Variants in MANBA observed in about 807,000 individuals in gnomAD.
The protein encoded by MANBA is beta-mannosidase.
MANBA carries 83 observed loss-of-function variants against 111.1 expected under a neutral mutation model. The ratio of observed to expected loss-of-function variants is 0.75; its 90% confidence interval spans 0.63 to 0.90. The LOEUF (loss-of-function observed/expected upper bound fraction) is 0.90. MANBA is among the 40% of genes least tolerant of loss of function. MANBA has a pLI of 0.00. For missense variants in MANBA, 1,036 were observed against 1,069.0 expected, an observed-to-expected ratio of 0.97 and a Z score of 0.43; for synonymous variants, 370 against 378.7, an observed-to-expected ratio of 0.98 and a Z score of 0.27.
chr4:102,755,774 C>T (rs951086937), intron 1 of MANBA, among the ~76,000 whole-genome samples: 7 of 152,102 alleles, frequency 4.6e-5, no homozygotes, highest in Non-Finnish European at 1.0e-4. Context: ...AACAAATTTA[C>T]AAGAAAAAAT....
At chr4:102,688,080 A>T (rs1225404718) in intron 7 of MANBA, among the ~76,000 whole-genome samples, 2 of 152,338 alleles carry the variant, frequency 1.3e-5, no homozygotes, top group South Asian at 4.1e-4. Context: ...TTTCCCTTAG[A>T]AAAAGACAGA....
chr4:102,728,327 C>T (rs1160417484), intron 1 of MANBA: 2 of 534,078 alleles, frequency 3.7e-6, no homozygotes, highest in African/African-American at 3.9e-5. Flanking sequence ...GCTCCTTGGG[C>T]CCATGAGGAT....
intron 5 of MANBA, among the ~76,000 whole-genome samples, chr4:102,701,551 C>T (rs566715117): frequency 0.011 from 1,606 of 151,828 alleles, 36 homozygotes; most frequent in African/African-American, 0.037. Flanking sequence ...TTAGGGCAGG[C>T]CTGGTGGTGA....
intron 15 of MANBA, 101 bp from the exon 16 acceptor site, chr4:102,635,146 G>C: frequency 7.3e-7 from 1 of 1,363,062 alleles, no homozygotes. Flanking sequence ...TAGCAGAAAT[G>C]GTTAAGAGAC....
At chr4:102,633,418 T>C (rs76127909) in intron 16 of MANBA, 1 of 398,624 alleles carries the variant, frequency 2.5e-6, no homozygotes, top group Non-Finnish European at 4.4e-6. Flanking sequence ...CTTCGTTGGA[T>C]TGGAAATCTC....
intron 4 of MANBA, among the ~76,000 whole-genome samples, chr4:102,719,940 C>A (rs1722498586): frequency 6.6e-6 from 1 of 152,212 alleles, no homozygotes; most frequent in Non-Finnish European, 1.5e-5. Context: ...AAAACTGGAT[C>A]TGATTCCTGA....
In MANBA at chr4:102,724,782, G is replaced by C. The variant is rs774527197; in HGVS notation, c.273-815C>G. Reference sequence around the variant, plus strand: ...GCAATATTGTTGAACAACTACAAGTGCTATCAGAGTTTATCTCATAAGAAA... The same window carrying C: ...GCAATATTGTTGAACAACTACAAGTCCTATCAGAGTTTATCTCATAAGAAA... On this transcript the variant is annotated intron_variant, in intron 2 of 16. Transcript: ENST00000647097. Among the ~76,000 whole-genome samples the C allele has an allele frequency of 1.6e-4, 24 of 152,030 alleles. No individual in the cohort carries two copies. The South Asian group carries it at 1.7e-3, about 11-fold the overall frequency.
In MANBA at chr4:102,652,620, G is replaced by C. The variant is rs556080518; in HGVS notation, c.1705-1919C>G. 3.3e-5 allele frequency among the ~76,000 whole-genome samples: 5 copies of C among 152,294 alleles called. No homozygotes were observed. In the South Asian group the frequency reaches 6.2e-4, roughly 19 times the overall value. ...ACTCATAAAAACCCGGCCGGATGCA[G>C]TGTTTCACACCTGTAATCCCAGCAC... On this transcript the variant is annotated intron_variant, in intron 12 of 16. Transcript: ENST00000647097.
intron 1 of MANBA, chr4:102,751,475 T>C (rs1357109254): frequency 3.8e-6 from 2 of 526,684 alleles, no homozygotes; most frequent in African/African-American, 3.9e-5. Context: ...TCTCAATCCC[T>C]GCCGCCTCTG....
intron 7 of MANBA, among the ~76,000 whole-genome samples, chr4:102,678,024 C>A (rs1418808121): frequency 6.6e-6 from 1 of 152,070 alleles, no homozygotes; most frequent in Non-Finnish European, 1.5e-5. Context: ...AAGTATAATG[C>A]AGTGCTGAGT....
Position 102,651,945 on chromosome 4 carries a change from TTTTA to T in MANBA, c.1705-1248_1705-1245del, listed in dbSNP as rs1219436842. 5.8e-5 allele frequency among the ~76,000 whole-genome samples: 8 copies of T among 136,774 alleles called. No individual in the cohort carries two copies. The South Asian group carries it at 1.8e-3, about 31-fold the overall frequency. 89.7% of individuals were successfully genotyped at this position (136,774 alleles called of 152,430 possible). On this transcript the variant is annotated intron_variant, in intron 12 of 16. Transcript: ENST00000647097. Reference sequence around the variant, plus strand: ...TCCTACGCTTCCTCCTCTTAATTTATTTTATTTATGTTTATTATTTTTAATTGAC... The same window carrying T: ...TCCTACGCTTCCTCCTCTTAATTTATTTTATGTTTATTATTTTTAATTGAC...
intron 10 of MANBA, chr4:102,665,494 T>C (rs1189977868): frequency 6.6e-6 from 1 of 152,282 alleles, no homozygotes; most frequent in Non-Finnish European, 1.5e-5. Context: ...CAATGTCGTG[T>C]CCTGAGAAAT....
intron 7 of MANBA, among the ~76,000 whole-genome samples, chr4:102,676,884 A>T (rs1440206431): frequency 1.3e-5 from 2 of 152,124 alleles, no homozygotes; most frequent in Non-Finnish European, 2.9e-5. Flanking sequence ...GCTAGTAGTC[A>T]TTACATCTTT....
intron 1 of MANBA, among the ~76,000 whole-genome samples, chr4:102,759,865 C>T (rs1291722292): frequency 6.6e-6 from 1 of 152,220 alleles, no homozygotes; most frequent in Admixed American, 6.5e-5. Context: ...TGAACACTTA[C>T]TATACAGAGT....
At chr4:102,643,726 T>C (rs1006247311) in intron 13 of MANBA, among the ~76,000 whole-genome samples, 1 of 152,194 alleles carries the variant, frequency 6.6e-6, no homozygotes, top group Non-Finnish European at 1.5e-5. Context: ...CTTTACCAAT[T>C]TTTCAATTGG....
chr4:102,723,966 T>C lies in MANBA; in HGVS notation c.274A>G (p.Lys92Glu). 1 of 1,579,968 alleles carries C rather than the reference T, an allele frequency of 6.3e-7. No homozygotes were observed. The highest frequency in any genetic ancestry group is 8.7e-7 in the Non-Finnish European group (1 of 1,150,754). The stretch of plus-strand genomic sequence containing the variant: ...AGAATCAAATTTACTTTTTGCCATT[T>C]GCTAAAAAAAAGAAAAGATTTTTAA... ...KEFKIPFEIS[K>E]WQKVNLILEG... is the part of the protein sequence containing the mutation. The change falls in exon 3 of 17, where the codon AAA (lysine) becomes GAA (glutamate). Residue 92 changes from lysine to glutamate, a missense_variant and splice_region_variant. Physicochemically the swap from Lys to Glu is moderately conservative, Grantham distance 56. Coordinates refer to ENST00000647097, the MANE Select transcript of MANBA (RefSeq NM_005908.4).
At chr4:102,660,961 TC>T (rs1730914236) in intron 11 of MANBA, among the ~76,000 whole-genome samples, 1 of 151,970 alleles carries the variant, frequency 6.6e-6, no homozygotes, top group Non-Finnish European at 1.5e-5. Context: ...TCCACTAGCT[TC>T]CCACCATCTA....
intron 11 of MANBA, among the ~76,000 whole-genome samples, chr4:102,658,547 A>G (rs1013708703): frequency 6.6e-6 from 1 of 152,206 alleles, no homozygotes; most frequent in Non-Finnish European, 1.5e-5. Flanking sequence ...GAGGATAATA[A>G]TAGTACCTCC....
chr4:102,660,107 C>T (rs944661101), intron 11 of MANBA, among the ~76,000 whole-genome samples: 3 of 152,186 alleles, frequency 2.0e-5, no homozygotes, highest in Admixed American at 6.5e-5. Context: ...GCCAACATCG[C>T]AAATCCAACC....
Sources: allele counts gnomAD v4.1 joint callset (sites outside exome capture counted in the v4.1 genomes callset), GRCh38; gene constraint gnomAD v4.1.1; transcripts MANE v1.5; gene names NCBI Gene and HGNC (gene_info 2026-07-23, HGNC 2026-07-21).